Variants in FAM221A observed in about 807,000 individuals in gnomAD.
FAM221A encodes family with sequence similarity 221 member A, also known as protein FAM221A.
In FAM221A, 43 loss-of-function variants were observed where a neutral mutation model predicts 37.6. That is an observed-to-expected ratio of 1.15 (90% CI 0.90 to 1.48). The LOEUF is 1.48. Among genes scored for constraint, FAM221A ranks in the 40% most tolerant of loss-of-function variants. The pLI is 0.00. For synonymous variants in FAM221A, 135 were observed against 132.9 expected (o/e 1.02, Z -0.11); for missense variants, 361 against 361.5 (o/e 1.00, Z 0.01).
At chr7:23,696,751 A>T (rs146521100) in intron 4 of FAM221A, among the ~76,000 whole-genome samples, 2 of 152,292 alleles carry the variant, frequency 1.3e-5, no homozygotes, top group East Asian at 3.9e-4. Flanking sequence ...GAGTAAGGAG[A>T]GGAAATATAA....
At chr7:23,689,947 C>A (rs565268095) in intron 3 of FAM221A, among the ~76,000 whole-genome samples, 1 of 151,810 alleles carries the variant, frequency 6.6e-6, no homozygotes, top group East Asian at 1.9e-4. Flanking sequence ...AACCTCTACC[C>A]CCTTTGCCCT....
At chr7:23,701,001 T>A in intron 6 of FAM221A, 133 bp downstream of exon 6, 1 of 614,082 alleles carries the variant, frequency 1.6e-6, no homozygotes, top group East Asian at 2.7e-5. Context: ...TGTTAGGCCT[T>A]GAGGCTTATT....
intron 4 of FAM221A, chr7:23,693,391 G>A (rs148975371): frequency 6.6e-6 from 1 of 151,422 alleles, no homozygotes; most frequent in East Asian, 1.9e-4. Context: ...GATTTCCCTG[G>A]TTATTAGTGA....
chr7:23,690,980 C>G (rs561337837), intron 3 of FAM221A, among the ~76,000 whole-genome samples: 2 of 152,190 alleles, frequency 1.3e-5, no homozygotes, highest in Non-Finnish European at 2.9e-5. Flanking sequence ...CAAGATTACA[C>G]TACACCCTTT....
At chr7:23,701,365 G>A (rs1367254490) in intron 6 of FAM221A, among the ~76,000 whole-genome samples, 1 of 149,892 alleles carries the variant, frequency 6.7e-6, no homozygotes, top group African/African-American at 2.5e-5. Flanking sequence ...TCAGCCTCCC[G>A]AGTAGCTGGG....
intron 2 of FAM221A, 120 bp from the exon 3 acceptor site, chr7:23,689,149 A>G (rs1360984375): frequency 9.6e-6 from 6 of 622,366 alleles, no homozygotes; most frequent in Admixed American, 3.0e-5. Flanking sequence ...TCACCTTACT[A>G]TGAAGAATAA....
intron 2 of FAM221A, chr7:23,688,639 CT>C (rs748780946): frequency 1.4e-3 from 204 of 140,936 alleles, no homozygotes; most frequent in Admixed American, 1.8e-3. Context: ...TTTTTCTTTT[CT>C]TTTTTTTTTT....
chr7:23,694,244 C>G (rs906832113), intron 4 of FAM221A: 3 of 152,172 alleles, frequency 2.0e-5, no homozygotes, highest in African/African-American at 7.2e-5. Flanking sequence ...TTTTGTACCA[C>G]TGGCCCATTT....
intron 3 of FAM221A, among the ~76,000 whole-genome samples, chr7:23,690,296 C>T (rs746339096): frequency 1.3e-5 from 2 of 149,958 alleles, no homozygotes; most frequent in African/African-American, 2.5e-5. Context: ...CCTCTGCCTC[C>T]AGGGTTCAAG....
At chr7:23,685,501 G>A (rs554732793) in intron 2 of FAM221A, among the ~76,000 whole-genome samples, 4 of 152,150 alleles carry the variant, frequency 2.6e-5, no homozygotes, top group Non-Finnish European at 5.9e-5. Context: ...CACATCATTG[G>A]AGAAAGTAGA....
intron 2 of FAM221A, chr7:23,686,873 C>T (rs1334907021): frequency 1.3e-5 from 2 of 152,102 alleles, no homozygotes; most frequent in East Asian, 3.8e-4. Context: ...ACAACCTCTG[C>T]CTCGTGGGTT....
At chr7:23,684,778 T>C in intron 2 of FAM221A, 106 bp downstream of exon 2, 1 of 1,078,540 alleles carries the variant, frequency 9.3e-7, no homozygotes, top group Non-Finnish European at 1.3e-6. Flanking sequence ...CAATTGTCCT[T>C]TATATAGTAG....
At chr7:23,693,455 T>C (rs1016653126) in intron 4 of FAM221A, 1 of 151,520 alleles carries the variant, frequency 6.6e-6, no homozygotes, top group African/African-American at 2.4e-5. Context: ...AATTGCCTAT[T>C]CATATCCCTT....
intron 4 of FAM221A, chr7:23,693,400 G>A (rs916026926): frequency 6.6e-6 from 1 of 151,360 alleles, no homozygotes; most frequent in East Asian, 1.9e-4. Context: ...GGTTATTAGT[G>A]AGATAGGGAT....
intron 3 of FAM221A, among the ~76,000 whole-genome samples, chr7:23,690,116 T>C (rs927112794): frequency 7.1e-4 from 105 of 147,416 alleles, no homozygotes; most frequent in African/African-American, 2.4e-3. Context: ...AAATCTTTCA[T>C]TGGCTGAATA....
rs188924944 is a variant in FAM221A at position 23,686,490 on chromosome 7, C to T, written c.239+1818C>T. 5.8e-4 allele frequency: 171 copies of T among 296,128 alleles called. 1 individual carries two copies. The Middle Eastern group carries it at 8.8e-3, about 15-fold the overall frequency. The allele number at this position is 296,128 out of a possible 1,614,324, so 18.3% of individuals were successfully genotyped here. A position where few individuals can be genotyped will look rare whatever the true frequency, so the allele number is the denominator to read the frequency against. On this transcript the variant is annotated intron_variant, in intron 2 of 6. Transcript: ENST00000344962. ...TTGTTACCCAGACTGGTCTGGAACT[C>T]CTGGGCTTAAGTTATCTGTCTACCT...
At position 23,689,383 on chromosome 7, in the gene FAM221A, T is replaced by A. The variant is rs1214118866; in HGVS notation, c.354T>A (p.Gly118=). 1 of 1,607,842 alleles carries A rather than the reference T, an allele frequency of 6.2e-7. No individual in the cohort carries two copies. Among genetic ancestry groups the A allele is most frequent in the Non-Finnish European group, 8.5e-7 (1 of 1,175,396 alleles). ...CRAYLYVPLN[G]SQPIRCRCKH... ...CTTACCTTTATGTCCCCTTGAATGG[T>A]AGCCAGCCCATTCGCTGCAGGTGCA... The change falls in exon 3 of 7, where the codon GGT becomes GGA. Residue 118 remains glycine (G), a synonymous_variant. Coordinates refer to ENST00000344962, the MANE Select transcript of FAM221A (RefSeq NM_199136.5).
intron 4 of FAM221A, among the ~76,000 whole-genome samples, chr7:23,695,425 C>T (rs554131494): frequency 2.0e-5 from 3 of 152,144 alleles, no homozygotes; most frequent in African/African-American, 7.2e-5. Context: ...GCTCTGTCTC[C>T]CAGGCTGGAG....
chr7:23,691,690 T>C, intron 4 of FAM221A, 94 bp downstream of exon 4: 1 of 1,087,176 alleles, frequency 9.2e-7, no homozygotes, highest in Non-Finnish European at 1.3e-6. Flanking sequence ...ATTTATAGTA[T>C]TTTTCTTTCA....
Sources: allele counts gnomAD v4.1 joint callset (sites outside exome capture counted in the v4.1 genomes callset), GRCh38; gene constraint gnomAD v4.1.1; transcripts MANE v1.5; gene names NCBI Gene and HGNC (gene_info 2026-07-23, HGNC 2026-07-21).